MACROD2: variants seen among roughly 807,000 people sequenced by gnomAD.
MACROD2 encodes the protein ADP-ribose glycohydrolase MACROD2.
Under a neutral mutation model 70.4 loss-of-function variants are expected in MACROD2, and 36 were observed. That is an observed-to-expected ratio of 0.51 (90% CI 0.39 to 0.68). The LOEUF (loss-of-function observed/expected upper bound fraction) is 0.68, where lower values mean the gene tolerates loss of function less well. Ranked by LOEUF, MACROD2 falls within the 30% of genes least tolerant of loss-of-function variation. MACROD2 has a pLI of 0.00. For synonymous variants in MACROD2, 172 were observed against 178.8 expected, an observed-to-expected ratio of 0.96 and a Z score of 0.30; for missense variants, 496 against 538.4, an observed-to-expected ratio of 0.92 and a Z score of 0.78.
At chr20:14,028,815 G>T (rs755129016) in intron 2 of MACROD2, among the ~76,000 whole-genome samples, 1 of 152,160 alleles carries the variant, frequency 6.6e-6, no homozygotes, top group South Asian at 2.1e-4. Context: ...CATTGATCTC[G>T]CTGGGGGCTG....
At chr20:15,677,847 T>A (rs2050087737) in intron 8 of MACROD2, among the ~76,000 whole-genome samples, 1 of 152,254 alleles carries the variant, frequency 6.6e-6, no homozygotes, top group African/African-American at 2.4e-5. Flanking sequence ...GGCAGGTGGA[T>A]CATGAGGTCA....
intron 3 of MACROD2, among the ~76,000 whole-genome samples, chr20:14,198,303 A>G (rs949559580): frequency 6.6e-6 from 1 of 152,222 alleles, no homozygotes; most frequent in Non-Finnish European, 1.5e-5. Context: ...CTCTTTGTAT[A>G]CACATTTTAT....
intron 6 of MACROD2, among the ~76,000 whole-genome samples, chr20:15,274,476 G>T (rs79356646): frequency 6.6e-6 from 1 of 152,304 alleles, no homozygotes; most frequent in East Asian, 1.9e-4. Context: ...ATTGTTGGGT[G>T]CCCCCTGTCT....
chr20:14,048,287 A>G (rs1326584262), intron 2 of MACROD2, among the ~76,000 whole-genome samples: 1 of 152,204 alleles, frequency 6.6e-6, no homozygotes, highest in Admixed American at 6.5e-5. Flanking sequence ...TATGCAAGAA[A>G]ACAGTAACTA....
At chr20:14,161,176 C>T (rs941969505) in intron 3 of MACROD2, among the ~76,000 whole-genome samples, 70 of 147,004 alleles carry the variant, frequency 4.8e-4, no homozygotes, top group Non-Finnish European at 9.1e-4. Flanking sequence ...TGATTTCATT[C>T]TTTTTTTTCT....
intron 4 of MACROD2, among the ~76,000 whole-genome samples, chr20:14,571,510 A>G (rs1980188957): frequency 6.6e-6 from 1 of 152,010 alleles, no homozygotes; most frequent in African/African-American, 2.4e-5. Context: ...CCAGTCATTA[A>G]ATGTTTATTG....
rs527425687 is a variant in MACROD2 at position 14,684,382 on chromosome 20, C to T, written c.302-461C>T. ...TGTTTCAGAGTACCTTTCTAGGTTT[C>T]TTACTGACTTTTTTCTTCTCTAACC... On this transcript the variant is annotated intron_variant, in intron 4 of 17. Coordinates refer to ENST00000684519, the MANE Select transcript of MACROD2 (RefSeq NM_001351661.2). Among the ~76,000 whole-genome samples, 26 of 152,214 alleles carry T rather than the reference C, an allele frequency of 1.7e-4. No homozygotes were observed. The East Asian group carries it at 4.4e-3, about 26-fold the overall frequency.
At chr20:15,704,828 C>T (rs544967976) in intron 8 of MACROD2, among the ~76,000 whole-genome samples, 59 of 152,302 alleles carry the variant, frequency 3.9e-4, no homozygotes, top group Non-Finnish European at 6.8e-4. Flanking sequence ...TTTGAAGTCA[C>T]GAATCACTCA....
At chr20:14,749,447 A>C (rs1217458595) in intron 5 of MACROD2, among the ~76,000 whole-genome samples, 1 of 152,048 alleles carries the variant, frequency 6.6e-6, no homozygotes, top group Non-Finnish European at 1.5e-5. Context: ...GGAAGGAAGG[A>C]AGGATCTCTA....
chr20:15,071,373 T>C (rs1408731460), intron 5 of MACROD2, among the ~76,000 whole-genome samples: 6 of 152,224 alleles, frequency 3.9e-5, no homozygotes, highest in Admixed American at 2.0e-4. Flanking sequence ...TCTGAATACA[T>C]GTTGCTCTCA....
At chr20:14,330,101 C>G (rs1463431292) in intron 3 of MACROD2, among the ~76,000 whole-genome samples, 6 of 151,962 alleles carry the variant, frequency 3.9e-5, no homozygotes, top group Non-Finnish European at 7.4e-5. Context: ...CTTGTAGTGA[C>G]CATTAGGAAA....
intron 15 of MACROD2, among the ~76,000 whole-genome samples, chr20:16,036,493 C>T (rs1414173600): frequency 6.6e-6 from 1 of 152,044 alleles, no homozygotes; most frequent in East Asian, 1.9e-4. Context: ...CTGAATGTCC[C>T]AGACTTTTTC....
At chr20:15,555,856 G>GAAAAAAAC in intron 8 of MACROD2, among the ~76,000 whole-genome samples, 1 of 80,756 alleles carries the variant, frequency 1.2e-5, no homozygotes, top group African/African-American at 7.8e-5. Context: ...AAAAAAAAAG[G>GAAAAAAAC]AAAAGAAAAG....
chr20:14,679,124 A>G (rs1389813365), intron 4 of MACROD2, among the ~76,000 whole-genome samples: 1 of 152,236 alleles, frequency 6.6e-6, no homozygotes, highest in East Asian at 1.9e-4. Flanking sequence ...CTTTTAGCAT[A>G]TAAGCATTCT....
intron 4 of MACROD2, among the ~76,000 whole-genome samples, chr20:14,565,663 T>C (rs1036816497): frequency 6.6e-5 from 10 of 151,942 alleles, no homozygotes; most frequent in African/African-American, 2.2e-4. Context: ...GTAACAATGT[T>C]ATTAAAGTTC....
At chr20:15,067,299 CTT>C (rs1363755921) in intron 5 of MACROD2, among the ~76,000 whole-genome samples, 1 of 152,044 alleles carries the variant, frequency 6.6e-6, no homozygotes, top group Non-Finnish European at 1.5e-5. Context: ...TGTATAAAGA[CTT>C]TAAAAATAAT....
At chr20:14,441,979 TA>T (rs1269423529) in intron 3 of MACROD2, among the ~76,000 whole-genome samples, 2 of 151,968 alleles carry the variant, frequency 1.3e-5, no homozygotes, top group Non-Finnish European at 2.9e-5. Context: ...AAATTAAAAA[TA>T]AATGGGAGGC....
At chr20:15,386,971 A>G (rs771115826) in intron 6 of MACROD2, among the ~76,000 whole-genome samples, 60 of 152,018 alleles carry the variant, frequency 3.9e-4, no homozygotes, top group Admixed American at 2.5e-3. Context: ...TCCCCCTGCT[A>G]TCCTTCCAAA....
At chr20:14,314,188 C>T (rs889266146) in intron 3 of MACROD2, among the ~76,000 whole-genome samples, 1 of 152,118 alleles carries the variant, frequency 6.6e-6, no homozygotes, top group African/African-American at 2.4e-5. Context: ...AATTATTATT[C>T]CTTCTGCATT....
Sources: gnomAD v4.1 joint callset for allele counts (sites outside exome capture counted in the v4.1 genomes callset) on GRCh38, gnomAD v4.1.1 for gene constraint, MANE v1.5 for transcripts, NCBI Gene and HGNC (gene_info 2026-07-23, HGNC 2026-07-21) for gene names.